Variants in AMPH observed in about 807,000 individuals in gnomAD.
AMPH encodes amphiphysin.
In AMPH, 49 loss-of-function variants were observed where a neutral mutation model predicts 99.1. The ratio of observed to expected loss-of-function variants is 0.49; its 90% CI spans 0.39 to 0.63. AMPH has a LOEUF of 0.63. AMPH is among the 20% of genes least tolerant of loss of function. AMPH has a pLI of 0.00. For synonymous variants in AMPH, 314 were observed against 317.3 expected (o/e 0.99, Z 0.11); for missense variants, 759 against 863.4 (o/e 0.88, Z 1.52).
In AMPH at chr7:38,475,505, A is replaced by T. The variant is rs542637286; in HGVS notation, c.505-89T>A. Reference sequence around the variant, plus strand: ...TTTAATGTAAAATAAGAATAGTCTTATGGCATCTTGGAAATATTTTGAGAA... The same window carrying T: ...TTTAATGTAAAATAAGAATAGTCTTTTGGCATCTTGGAAATATTTTGAGAA... On this transcript the variant is annotated intron_variant, in intron 6 of 20. Transcript: ENST00000356264. 1.6e-5 allele frequency: 13 copies of T among 827,162 alleles called. No individual in the cohort carries two copies. The South Asian group carries it at 2.0e-4, about 13-fold the overall frequency. 51.2% of individuals were successfully genotyped at this position (827,162 alleles called of 1,614,324 possible).
intron 5 of AMPH, among the ~76,000 whole-genome samples, chr7:38,484,891 GTTAA>G (rs1384456723): frequency 6.6e-6 from 1 of 151,850 alleles, no homozygotes; most frequent in East Asian, 1.9e-4. Flanking sequence ...GGTGATTGAT[GTTAA>G]TTTAGTTCTT....
At chr7:38,612,924 A>C (rs1329088226) in intron 1 of AMPH, among the ~76,000 whole-genome samples, 2 of 152,210 alleles carry the variant, frequency 1.3e-5, no homozygotes, top group Non-Finnish European at 2.9e-5. Flanking sequence ...TATAGCCCTA[A>C]TTTGCCACCT....
chr7:38,516,910 T>A (rs1789767910), intron 2 of AMPH, among the ~76,000 whole-genome samples: 1 of 152,234 alleles, frequency 6.6e-6, no homozygotes, highest in Non-Finnish European at 1.5e-5. Flanking sequence ...ATGACTGCCT[T>A]GCTGGGTTTC....
intron 11 of AMPH, among the ~76,000 whole-genome samples, chr7:38,448,653 G>A (rs1472889583): frequency 6.6e-6 from 1 of 152,192 alleles, no homozygotes; most frequent in Non-Finnish European, 1.5e-5. Flanking sequence ...TTGACCATGG[G>A]TAACTGAAAC....
At position 38,509,994 on chromosome 7, in the gene AMPH, G is replaced by A. The variant is rs76153138; in HGVS notation, c.151-6290C>T. ...ATGCACTGATGGTAGAGAAGGAAGG[G>A]CCTTAGCTATCATTACTCCAGGCCT... On this transcript the variant is annotated intron_variant, in intron 2 of 20. Coordinates refer to ENST00000356264, the MANE Select transcript of AMPH (RefSeq NM_001635.4). Among the ~76,000 whole-genome samples the A allele has an allele frequency of 5.4e-3, 826 of 152,256 alleles. 8 individuals carry two copies. The highest frequency in any genetic ancestry group is 0.019 in the African/African-American group (800 of 41,556).
intron 1 of AMPH, among the ~76,000 whole-genome samples, chr7:38,537,415 C>T (rs759281197): frequency 1.4e-4 from 22 of 152,194 alleles, no homozygotes; most frequent in Middle Eastern, 3.4e-3. Flanking sequence ...TTATTTTTAT[C>T]TAACCCCACT....
intron 1 of AMPH, among the ~76,000 whole-genome samples, chr7:38,542,714 G>A (rs1463428693): frequency 6.6e-6 from 1 of 152,142 alleles, no homozygotes; most frequent in Non-Finnish European, 1.5e-5. Flanking sequence ...CCAACACTTT[G>A]GGAGGCGATG....
chr7:38,544,517 C>T (rs6976444), intron 1 of AMPH, among the ~76,000 whole-genome samples: 104,077 of 152,098 alleles, frequency 0.68, 36,335 homozygotes, highest in Non-Finnish European at 0.77. Flanking sequence ...TAATATAATA[C>T]GGCTGTGCCT....
At chr7:38,394,593 T>A (rs988167981) in intron 17 of AMPH, among the ~76,000 whole-genome samples, 1 of 152,190 alleles carries the variant, frequency 6.6e-6, no homozygotes, top group African/African-American at 2.4e-5. Context: ...AGAAATAAAA[T>A]TGAATCTCGG....
At chr7:38,386,784 G>A (rs938150127) in intron 20 of AMPH, among the ~76,000 whole-genome samples, 1 of 152,174 alleles carries the variant, frequency 6.6e-6, no homozygotes, top group Non-Finnish European at 1.5e-5. Context: ...GAAGATGCTG[G>A]AAATGACCAA....
chr7:38,406,741 TC>T (rs1785014836), intron 17 of AMPH, among the ~76,000 whole-genome samples: 1 of 127,548 alleles, frequency 7.8e-6, no homozygotes, highest in African/African-American at 3.5e-5. Flanking sequence ...CCTCTCTCTC[TC>T]TCTCTCTCTC....
Position 38,490,344 on chromosome 7 carries a change from T to C in AMPH, c.396+706A>G, listed in dbSNP as rs192686191. Among the ~76,000 whole-genome samples the C allele has an allele frequency of 1.5e-4, 23 of 152,264 alleles. 1 individual carries two copies. In the Middle Eastern group the frequency reaches 0.01, roughly 68 times the overall value. Reference sequence around the variant, plus strand: ...TTGTCAATAGGTCTAACACATTTAGTCAGATCCATTTAGTTTCATTTACCA... The same window carrying C: ...TTGTCAATAGGTCTAACACATTTAGCCAGATCCATTTAGTTTCATTTACCA... On this transcript the variant is annotated intron_variant, in intron 5 of 20. Coordinates refer to ENST00000356264, the MANE Select transcript of AMPH (RefSeq NM_001635.4).
chr7:38,463,015 G>T lies in AMPH; in HGVS notation c.848C>A (p.Pro283His). The T allele has an allele frequency of 6.2e-7, 1 of 1,605,194 alleles. No individual in the cohort carries two copies. ...AGGCCGTGCTGGTGCGGGAGACGCA[G>T]GTGCTAATGTATGATTTGGACTTGC... The part of the protein sequence containing the change: ...PTASPNHTLA[P>H]ASPAPARPRS... Residue 283 changes from proline to histidine, a missense_variant, in exon 10 of 21, where the codon CCT becomes CAT. Pro to His is a moderately conservative substitution (Grantham distance 77). Around this residue, in one of 2 missense-constraint regions of AMPH, gnomAD observed 554 missense variants for 575.6 expected, o/e 0.96. Transcript: ENST00000356264.
intron 3 of AMPH, among the ~76,000 whole-genome samples, chr7:38,501,766 CAAATAAATAAATAAATAAAT>C (rs3056240): frequency 4.7e-5 from 7 of 148,074 alleles, no homozygotes; most frequent in African/African-American, 9.9e-5. Context: ...AAAAGCATAC[CAAATAAATAAATAAATAAAT>C]AAATAAATAA....
intron 1 of AMPH, among the ~76,000 whole-genome samples, chr7:38,601,802 T>C (rs955037427): frequency 3.3e-5 from 5 of 152,318 alleles, no homozygotes; most frequent in African/African-American, 1.2e-4. Context: ...ACTAATCAGA[T>C]TGCTGGCAGC....
intron 4 of AMPH, among the ~76,000 whole-genome samples, chr7:38,493,528 G>A (rs190487095): frequency 6.8e-4 from 104 of 152,174 alleles, no homozygotes; most frequent in African/African-American, 2.2e-3. Context: ...GTCACACAGC[G>A]CTACTCAGTC....
intron 17 of AMPH, among the ~76,000 whole-genome samples, chr7:38,398,424 G>C (rs1046071097): frequency 1.3e-5 from 2 of 152,246 alleles, no homozygotes; most frequent in Admixed American, 6.5e-5. Context: ...ATTATGTTAA[G>C]GGAAAAAAGC....
intron 16 of AMPH, among the ~76,000 whole-genome samples, chr7:38,419,866 A>G (rs1315342967): frequency 6.6e-6 from 1 of 152,262 alleles, no homozygotes. Context: ...CATATATTTT[A>G]TAAAATGCAA....
At chr7:38,518,311 T>C (rs1789827889) in intron 2 of AMPH, among the ~76,000 whole-genome samples, 1 of 152,022 alleles carries the variant, frequency 6.6e-6, no homozygotes, top group Non-Finnish European at 1.5e-5. Context: ...ACTAGGGCAA[T>C]GTATAGTGGA....
Sources: allele counts gnomAD v4.1 joint callset (sites outside exome capture counted in the v4.1 genomes callset), GRCh38; gene constraint gnomAD v4.1.1; regional missense constraint gnomAD v4.1.1; transcripts MANE v1.5; gene names NCBI Gene and HGNC (gene_info 2026-07-23, HGNC 2026-07-21).